Variants in TENM4 observed in about 807,000 individuals in gnomAD.
TENM4 encodes the protein teneurin-4.
Under a neutral mutation model 243.3 loss-of-function variants are expected in TENM4, and 82 were observed. The ratio of observed to expected loss-of-function variants is 0.34; its 90% CI spans 0.28 to 0.40. The LOEUF (loss-of-function observed/expected upper bound fraction) is 0.40. Among genes scored for constraint, TENM4 ranks in the 10% least tolerant of loss-of-function variants. The probability of loss-of-function intolerance (pLI) is 1.00; values close to 1 mark genes in which losing one functional copy is unlikely to be tolerated. For synonymous variants in TENM4, 1,412 were observed against 1,456.3 expected (o/e 0.97, Z 0.69); for missense variants, 3,138 against 3,673.3 (o/e 0.85, Z 3.77).
rs1401477804 is a variant in TENM4, at chr11:78,655,799, G to GT, written c.*2258dup. The GT allele has an allele frequency of 2.0e-5, 3 of 152,162 alleles. No individual in the cohort carries two copies. The highest frequency in any genetic ancestry group is 4.4e-5 in the Non-Finnish European group (3 of 68,060). The allele number at this position is 152,162 out of a possible 1,614,324, so 9.4% of individuals were successfully genotyped here. A position where few individuals can be genotyped will look rare whatever the true frequency, so the allele number is the denominator to read the frequency against. On this transcript the variant is annotated 3_prime_UTR_variant, in exon 34 of 34. Transcript: ENST00000278550. ...GTATGAAGAGTACATTTTGAGAGGC[G>GT]TAAGTCCCTTCTGGAGGACAAAACT...
intron 31 of TENM4, 101 bp from the exon 32 acceptor site, chr11:78,670,652 G>A: frequency 8.4e-7 from 1 of 1,190,566 alleles, no homozygotes; most frequent in Non-Finnish European, 1.2e-6. Context: ...TGTCCAAGGA[G>A]AATCCTGAGT....
At chr11:79,346,123 AT>A (rs1419918357) in intron 1 of TENM4, among the ~76,000 whole-genome samples, 1 of 152,208 alleles carries the variant, frequency 6.6e-6, no homozygotes, top group African/African-American at 2.4e-5. Context: ...TCCGAAGTCC[AT>A]TCTAGCTCAT....
chr11:79,311,758 C>T (rs1856725536), intron 1 of TENM4, among the ~76,000 whole-genome samples: 1 of 152,094 alleles, frequency 6.6e-6, no homozygotes, highest in African/African-American at 2.4e-5. Context: ...CCATCCCTGC[C>T]TCTACACCTT....
At chr11:79,069,610 G>C (rs938552290) in intron 5 of TENM4, 112 bp downstream of exon 5, 2 of 1,368,080 alleles carry the variant, frequency 1.5e-6, no homozygotes, top group African/African-American at 1.5e-5. Flanking sequence ...ACCCCAACTG[G>C]TGTTCCAGCT....
intron 4 of TENM4, among the ~76,000 whole-genome samples, chr11:79,119,643 G>A (rs12363446): frequency 0.65 from 98,974 of 152,096 alleles, 34,322 homozygotes; most frequent in Non-Finnish European, 0.8. Flanking sequence ...CTAAGTAAGT[G>A]TGCGCAGAGG....
intron 14 of TENM4, among the ~76,000 whole-genome samples, chr11:78,807,334 A>T (rs1176996598): frequency 6.6e-6 from 1 of 152,154 alleles, no homozygotes; most frequent in East Asian, 1.9e-4. Flanking sequence ...AAGGGTTCCA[A>T]TTACTCCACA....
At chr11:78,972,080 T>C (rs1857556614) in intron 6 of TENM4, among the ~76,000 whole-genome samples, 1 of 152,212 alleles carries the variant, frequency 6.6e-6, no homozygotes, top group African/African-American at 2.4e-5. Context: ...TTAAAATATA[T>C]TCTAATTTTT....
intron 1 of TENM4, among the ~76,000 whole-genome samples, chr11:79,338,051 C>T (rs1341156713): frequency 1.3e-5 from 2 of 152,350 alleles, no homozygotes; most frequent in Middle Eastern, 3.4e-3. Context: ...GACTGCTTCT[C>T]AACTGTCTCT....
intron 6 of TENM4, among the ~76,000 whole-genome samples, chr11:78,958,259 C>T (rs1235859367): frequency 2.0e-5 from 3 of 152,204 alleles, no homozygotes; most frequent in Non-Finnish European, 4.4e-5. Flanking sequence ...GCTATTTATT[C>T]CCCGACCCTC....
At chr11:79,220,967 C>T (rs1259966925) in intron 2 of TENM4, 1 of 152,182 alleles carries the variant, frequency 6.6e-6, no homozygotes, top group Non-Finnish European at 1.5e-5. Context: ...ATTATTAGCA[C>T]AAAATACTTC....
intron 28 of TENM4, 128 bp from the exon 29 acceptor site, chr11:78,688,354 G>A: frequency 3.9e-6 from 4 of 1,014,678 alleles, no homozygotes; most frequent in Non-Finnish European, 5.8e-6. Flanking sequence ...ACATTCCCAT[G>A]TCTCCCACAT....
At chr11:78,839,139 C>A (rs553038697) in intron 12 of TENM4, among the ~76,000 whole-genome samples, 17 of 152,246 alleles carry the variant, frequency 1.1e-4, no homozygotes, top group African/African-American at 4.1e-4. Flanking sequence ...CCTGTAATTT[C>A]TTCCATACTT....
chr11:79,015,776 T>G (rs1007528871), intron 6 of TENM4, among the ~76,000 whole-genome samples: 1 of 152,150 alleles, frequency 6.6e-6, no homozygotes, highest in Non-Finnish European at 1.5e-5. Context: ...GGTGAAGAGA[T>G]AGACAATAAA....
At chr11:78,834,939 C>A (rs1196151786) in intron 12 of TENM4, among the ~76,000 whole-genome samples, 3 of 152,170 alleles carry the variant, frequency 2.0e-5, no homozygotes, top group Non-Finnish European at 4.4e-5. Flanking sequence ...CTAATTGATA[C>A]CTCCCTCAGC....
chr11:78,723,361 C>A (rs1483874790), intron 23 of TENM4, among the ~76,000 whole-genome samples: 5 of 152,246 alleles, frequency 3.3e-5, no homozygotes, highest in Admixed American at 3.3e-4. Flanking sequence ...CAATTGATAC[C>A]ATTTCAAGTG....
At chr11:78,967,622 C>T (rs1044012081) in intron 6 of TENM4, among the ~76,000 whole-genome samples, 3 of 152,162 alleles carry the variant, frequency 2.0e-5, no homozygotes, top group African/African-American at 7.2e-5. Context: ...GGGTGGGGCT[C>T]AGATGTATGT....
At chr11:78,903,018 G>A (rs892487327) in intron 7 of TENM4, among the ~76,000 whole-genome samples, 3 of 152,180 alleles carry the variant, frequency 2.0e-5, no homozygotes, top group East Asian at 1.9e-4. Context: ...GGGTTGGTGC[G>A]GGGGGTGTCT....
At chr11:79,089,876 A>T (rs1401023277) in intron 4 of TENM4, among the ~76,000 whole-genome samples, 1 of 152,174 alleles carries the variant, frequency 6.6e-6, no homozygotes, top group Non-Finnish European at 1.5e-5. Flanking sequence ...ACTGAGAATC[A>T]CAGAGGGCAA....
intron 1 of TENM4, among the ~76,000 whole-genome samples, chr11:79,312,586 A>G (rs1343159503): frequency 6.6e-6 from 1 of 152,172 alleles, no homozygotes; most frequent in Non-Finnish European, 1.5e-5. Context: ...GCTTGAATCC[A>G]GACCATGTTG....
Sources: allele counts gnomAD v4.1 joint callset (sites outside exome capture counted in the v4.1 genomes callset), GRCh38; gene constraint gnomAD v4.1.1; transcripts MANE v1.5; gene names NCBI Gene and HGNC (gene_info 2026-07-23, HGNC 2026-07-21).